NLGN1: variants seen among roughly 807,000 people sequenced by gnomAD.
NLGN1 encodes the protein neuroligin 1, also known as neuroligin-1.
NLGN1 carries 12 observed loss-of-function variants against 65.5 expected under a neutral mutation model. The observed-to-expected ratio is 0.18, with a 90% CI of 0.12 to 0.30. The LOEUF is 0.30. Among genes scored for constraint, NLGN1 ranks in the 10% least tolerant of loss-of-function variants. The pLI is 1.00. For synonymous variants in NLGN1, 350 were observed against 359.5 expected (o/e 0.97, Z 0.30); for missense variants, 750 against 1,007.1 (o/e 0.74, Z 3.46).
chr3:173,951,384 G>T (rs968108041), intron 4 of NLGN1, among the ~76,000 whole-genome samples: 4 of 151,798 alleles, frequency 2.6e-5, no homozygotes, highest in Non-Finnish European at 5.9e-5. Flanking sequence ...TAATAACTCT[G>T]AAGCCACAAA....
chr3:174,016,936 T>C (rs973524163), intron 4 of NLGN1, among the ~76,000 whole-genome samples: 2 of 151,986 alleles, frequency 1.3e-5, no homozygotes, highest in Admixed American at 6.6e-5. Context: ...AAGGGAAAGA[T>C]GAAAGAGAAC....
At chr3:174,253,443 G>A (rs1034643270) in intron 4 of NLGN1, among the ~76,000 whole-genome samples, 8 of 151,930 alleles carry the variant, frequency 5.3e-5, no homozygotes, top group Non-Finnish European at 7.4e-5. Context: ...TGTGCCTTCC[G>A]GTCTCAGATT....
chr3:174,042,096 G>A (rs1442157423), intron 4 of NLGN1, among the ~76,000 whole-genome samples: 1 of 151,838 alleles, frequency 6.6e-6, no homozygotes, highest in Non-Finnish European at 1.5e-5. Flanking sequence ...TATTATTAAA[G>A]TTTAAAATTA....
intron 4 of NLGN1, among the ~76,000 whole-genome samples, chr3:173,927,349 C>A (rs1332468954): frequency 6.6e-6 from 1 of 152,186 alleles, no homozygotes; most frequent in Non-Finnish European, 1.5e-5. Flanking sequence ...GCATGAGCCG[C>A]CATGCCCAGC....
chr3:173,663,728 CT>C lies in NLGN1; in HGVS notation c.493+58641del, dbSNP rs149428497. Among the ~76,000 whole-genome samples, 967 of 152,094 alleles carry C rather than the reference CT, an allele frequency of 6.4e-3. 7 individuals are homozygous for C. The highest frequency in any genetic ancestry group is 0.022 in the African/African-American group (924 of 41,524). ...CATGCTTTATTTCTAAACATTCCATCTTTTCTGCACTAGTATGTCCAGTAAG... is the reference window on the plus strand; with the variant it reads ...CATGCTTTATTTCTAAACATTCCATCTTTCTGCACTAGTATGTCCAGTAAG... On this transcript the variant is annotated intron_variant, in intron 3 of 6. Transcript: ENST00000457714.
chr3:173,401,413 T>C (rs894340168), intron 1 of NLGN1, among the ~76,000 whole-genome samples: 2 of 152,058 alleles, frequency 1.3e-5, no homozygotes, highest in Non-Finnish European at 2.9e-5. Context: ...CCCTGCATTA[T>C]GGTGGTGGCG....
chr3:173,652,585 T>C (rs1759375972), intron 3 of NLGN1, among the ~76,000 whole-genome samples: 1 of 152,178 alleles, frequency 6.6e-6, no homozygotes, highest in Non-Finnish European at 1.5e-5. Context: ...GGGATCTCAA[T>C]TCTGTTCCGT....
intron 2 of NLGN1, among the ~76,000 whole-genome samples, chr3:173,474,994 T>C (rs1725956569): frequency 6.6e-6 from 1 of 151,962 alleles, no homozygotes; most frequent in Admixed American, 6.6e-5. Context: ...ACAGAAGTTA[T>C]ACATAACAAG....
At chr3:173,446,716 C>T (rs1273028116) in intron 2 of NLGN1, among the ~76,000 whole-genome samples, 7 of 152,218 alleles carry the variant, frequency 4.6e-5, no homozygotes, top group Non-Finnish European at 1.0e-4. Context: ...CACATCCTCT[C>T]CAGCACCTGT....
intron 4 of NLGN1, among the ~76,000 whole-genome samples, chr3:174,125,310 A>G (rs1000631332): frequency 6.6e-6 from 1 of 152,128 alleles, no homozygotes; most frequent in Non-Finnish European, 1.5e-5. Flanking sequence ...AGGTTGCAGC[A>G]GGGGAAGATA....
intron 4 of NLGN1, among the ~76,000 whole-genome samples, chr3:174,245,702 T>A (rs1477656204): frequency 6.6e-6 from 1 of 152,192 alleles, no homozygotes; most frequent in African/African-American, 2.4e-5. Context: ...AGATTATATA[T>A]AACTGGAGGT....
intron 4 of NLGN1, among the ~76,000 whole-genome samples, chr3:173,886,868 T>C (rs1468457017): frequency 6.6e-6 from 1 of 152,012 alleles, no homozygotes; most frequent in Non-Finnish European, 1.5e-5. Context: ...CTCCATATCT[T>C]GATTTCCCTT....
At chr3:173,531,384 A>G (rs1227465391) in intron 2 of NLGN1, among the ~76,000 whole-genome samples, 2 of 152,190 alleles carry the variant, frequency 1.3e-5, no homozygotes, top group South Asian at 2.1e-4. Context: ...ATTATTGCTT[A>G]TTCTCTAGGA....
At chr3:173,703,817 T>G (rs1026991691) in intron 3 of NLGN1, among the ~76,000 whole-genome samples, 4 of 152,230 alleles carry the variant, frequency 2.6e-5, no homozygotes, top group Non-Finnish European at 5.9e-5. Context: ...TTTAGAGGCT[T>G]CTTTATCTCT....
intron 2 of NLGN1, among the ~76,000 whole-genome samples, chr3:173,445,124 C>T (rs534605617): frequency 1.7e-4 from 26 of 151,138 alleles, no homozygotes; most frequent in Non-Finnish European, 2.8e-4. Flanking sequence ...AAAAATTAGC[C>T]GGGCGTAGTG....
At chr3:173,991,695 A>T (rs1721134508) in intron 4 of NLGN1, among the ~76,000 whole-genome samples, 1 of 152,214 alleles carries the variant, frequency 6.6e-6, no homozygotes, top group Admixed American at 6.5e-5. Flanking sequence ...TTCATACCTC[A>T]TTGAAGGCTC....
chr3:173,577,815 A>C (rs1009504876), intron 2 of NLGN1, among the ~76,000 whole-genome samples: 2 of 152,212 alleles, frequency 1.3e-5, no homozygotes, highest in Non-Finnish European at 2.9e-5. Context: ...TCTTGTAAGT[A>C]ATCAAAGCTT....
At chr3:173,504,573 C>G (rs908750647) in intron 2 of NLGN1, among the ~76,000 whole-genome samples, 3 of 152,068 alleles carry the variant, frequency 2.0e-5, no homozygotes, top group African/African-American at 7.2e-5. Context: ...GCTATCCACA[C>G]TTGTCTACTG....
chr3:173,617,896 C>T (rs1317649882), intron 3 of NLGN1, among the ~76,000 whole-genome samples: 1 of 152,142 alleles, frequency 6.6e-6, no homozygotes, highest in African/African-American at 2.4e-5. Context: ...CAATTTCCCT[C>T]CCCTGACAAA....
Sources: allele counts gnomAD v4.1 joint callset (sites outside exome capture counted in the v4.1 genomes callset), GRCh38; gene constraint gnomAD v4.1.1; transcripts MANE v1.5; gene names NCBI Gene and HGNC (gene_info 2026-07-23, HGNC 2026-07-21).